SNRPA1: variants seen among roughly 807,000 people sequenced by gnomAD.
The protein encoded by SNRPA1 is small nuclear ribonucleoprotein polypeptide A', also known as U2 small nuclear ribonucleoprotein A'.
In SNRPA1, 5 loss-of-function variants were observed where a neutral mutation model predicts 32.3. The observed-to-expected ratio is 0.15, with a 90% CI of 0.08 to 0.33. The LOEUF (loss-of-function observed/expected upper bound fraction) is 0.33. Among genes scored for constraint, SNRPA1 ranks in the 10% least tolerant of loss-of-function variants. The pLI, the probability that SNRPA1 is intolerant of heterozygous loss-of-function variation, is 1.00. For missense variants in SNRPA1, 198 were observed against 311.1 expected (o/e 0.64, Z 2.74); for synonymous variants, 111 against 120.1 (o/e 0.92, Z 0.50).
intron 8 of SNRPA1, among the ~76,000 whole-genome samples, chr15:101,284,100 G>T (rs1166166250): frequency 6.6e-6 from 1 of 152,178 alleles, no homozygotes; most frequent in Non-Finnish European, 1.5e-5. Context: ...TATCCCTAGT[G>T]CCCCACATGC....
intron 1 of SNRPA1, among the ~76,000 whole-genome samples, chr15:101,294,444 G>A (rs1288793554): frequency 2.0e-5 from 3 of 152,164 alleles, no homozygotes; most frequent in Non-Finnish European, 4.4e-5. Flanking sequence ...TGCCCTCCCA[G>A]TATCTTACCA....
At chr15:101,289,251 C>A (rs574319545) in intron 3 of SNRPA1, among the ~76,000 whole-genome samples, 1 of 152,270 alleles carries the variant, frequency 6.6e-6, no homozygotes, top group African/African-American at 2.4e-5. Flanking sequence ...ATGTAACAAC[C>A]CGAAGGCTGC....
rs1038204049 is a variant in SNRPA1, at chr15:101,281,739, G to C, written c.753C>G (p.Val251=). ...DGEEEMEEDT[V]TNGS ...GCCTCACTGCTCAGGACCCGTTTGT[G>C]ACTGTGTCTTCTTCCATCTCTTCTT... Residue 251 remains valine, a synonymous_variant, in exon 9 of 9, where the codon GTC becomes GTG. Coordinates refer to ENST00000254193, the MANE Select transcript of SNRPA1 (RefSeq NM_003090.4). 9 of 1,613,598 alleles carry C rather than the reference G, an allele frequency of 5.6e-6. No individual in the cohort carries two copies. The African/African-American group carries it at 1.1e-4, about 19-fold the overall frequency.
In SNRPA1 at chr15:101,281,514, T is replaced by C. The variant is rs2039393689; in HGVS notation, c.*210A>G. 1.9e-6 allele frequency: 1 copy of C among 529,574 alleles called. No homozygotes were observed. Among genetic ancestry groups the C allele is most frequent in the Admixed American group, 3.4e-5 (1 of 29,462 alleles). The allele number at this position is 529,574 out of a possible 1,614,324, so 32.8% of individuals were successfully genotyped here. A position where few individuals can be genotyped will look rare whatever the true frequency, so the allele number is the denominator to read the frequency against. On this transcript the variant is annotated 3_prime_UTR_variant, in exon 9 of 9. Coordinates refer to ENST00000254193, the MANE Select transcript of SNRPA1 (RefSeq NM_003090.4). Reference sequence around the variant, plus strand: ...TGCACCATGATGACACACAACTTGGTAGCATAGTGAGTGGAGTTTATTTTT... The same window carrying C: ...TGCACCATGATGACACACAACTTGGCAGCATAGTGAGTGGAGTTTATTTTT...
At chr15:101,284,827 C>G (rs186389833) in intron 8 of SNRPA1, 140 bp downstream of exon 8, 8 of 695,924 alleles carry the variant, frequency 1.1e-5, no homozygotes, top group Non-Finnish European at 1.8e-5. Context: ...CTTCAAAGAG[C>G]ATTTAAAGAG....
intron 1 of SNRPA1, 31 bp downstream of exon 1, chr15:101,295,065 TG>T (rs1475548331): frequency 4.3e-5 from 60 of 1,388,544 alleles, no homozygotes; most frequent in Non-Finnish European, 5.2e-5. Flanking sequence ...CGGTGCCGCC[TG>T]GGGACTGGCC....
Position 101,292,020 on chromosome 15 carries a change from T to C in SNRPA1, c.251A>G (p.Asp84Gly). The C allele has an allele frequency of 6.2e-7, 1 of 1,611,864 alleles. No individual in the cohort carries two copies. Among genetic ancestry groups the C allele is most frequent in the Non-Finnish European group, 8.5e-7 (1 of 1,177,994 alleles). Residue 84 changes from aspartate to glycine, a missense_variant, in exon 3 of 9, where the codon GAT becomes GGT. Asp to Gly is a moderately conservative substitution (Grantham distance 94). Transcript: ENST00000254193. ...NRICRIGEGL[D>G]QALPCLTELI... ...TTCTGTCAGACAGGGCAGAGCCTGATCAAGTCCCTCACCTATACGGCTAAA... is the reference window on the plus strand; with the variant it reads ...TTCTGTCAGACAGGGCAGAGCCTGACCAAGTCCCTCACCTATACGGCTAAA...
chr15:101,286,190 T>C, intron 6 of SNRPA1, 24 bp downstream of exon 6: 1 of 1,595,512 alleles, frequency 6.3e-7, no homozygotes, highest in Admixed American at 1.7e-5. Flanking sequence ...TGAAGTAGAG[T>C]TAAGTTGGAT....
intron 8 of SNRPA1, among the ~76,000 whole-genome samples, chr15:101,282,236 AC>A (rs1206686956): frequency 6.6e-6 from 1 of 152,276 alleles, no homozygotes; most frequent in East Asian, 1.9e-4. Flanking sequence ...CATTTGTTCA[AC>A]AATTTATGGC....
chr15:101,287,762 A>T, intron 3 of SNRPA1, 60 bp from the exon 4 acceptor site: 2 of 1,483,644 alleles, frequency 1.3e-6, no homozygotes, highest in South Asian at 1.1e-5. Context: ...GAGATTCTGA[A>T]ATGGAGAGTG....
At chr15:101,294,974 C>T in intron 1 of SNRPA1, 123 bp downstream of exon 1, 1 of 563,876 alleles carries the variant, frequency 1.8e-6, no homozygotes, top group Non-Finnish European at 2.9e-6. Flanking sequence ...CTGCGCAGCC[C>T]GGTCGGAGCC....
chr15:101,283,029 G>A (rs189757859), intron 8 of SNRPA1, among the ~76,000 whole-genome samples: 1 of 151,454 alleles, frequency 6.6e-6, no homozygotes, highest in East Asian at 1.9e-4. Context: ...TCAAAGAGAC[G>A]TGTGCCCGAG....
intron 8 of SNRPA1, among the ~76,000 whole-genome samples, chr15:101,282,566 G>T (rs963569816): frequency 3.9e-5 from 6 of 152,220 alleles, no homozygotes; most frequent in African/African-American, 1.4e-4. Flanking sequence ...CAGTGTAAAA[G>T]TCTGAAACCT....
chr15:101,291,633 A>G (rs1274830711), intron 3 of SNRPA1, among the ~76,000 whole-genome samples: 1 of 152,200 alleles, frequency 6.6e-6, no homozygotes, highest in East Asian at 1.9e-4. Context: ...GAACACTGCA[A>G]TTGTAGAAAA....
At chr15:101,291,844 G>A (rs572535439) in intron 3 of SNRPA1, 118 bp downstream of exon 3, 19 of 633,536 alleles carry the variant, frequency 3.0e-5, no homozygotes, top group Admixed American at 8.1e-5. Flanking sequence ...CCTGAATTAA[G>A]AAAAAGACAA....
At position 101,285,736 on chromosome 15, in the gene SNRPA1, T is replaced by G; in HGVS notation, c.605A>C (p.Glu202Ala). 1 of 1,612,926 alleles carries G rather than the reference T, an allele frequency of 6.2e-7. No individual in the cohort carries two copies. The highest frequency in any genetic ancestry group is 8.5e-7 in the Non-Finnish European group (1 of 1,178,898). Residue 202 changes from glutamate to alanine, a missense_variant, in exon 7 of 9, where the codon GAA (glutamate) becomes GCA (alanine). Glu to Ala is a moderately radical substitution (Grantham distance 107). Transcript: ENST00000254193. Reference protein sequence around the residue: ...KKGGPSPGDVEAIKNAIANAS... With the variant: ...KKGGPSPGDVAAIKNAIANAS... ...CTAACACATGATTACCTTGATTGCTTCTACATCCCCTGGAGATGGCCCACC... is the reference window on the plus strand; with the variant it reads ...CTAACACATGATTACCTTGATTGCTGCTACATCCCCTGGAGATGGCCCACC...
At chr15:101,290,722 C>G (rs1184101397) in intron 3 of SNRPA1, among the ~76,000 whole-genome samples, 1 of 150,520 alleles carries the variant, frequency 6.6e-6, no homozygotes, top group Non-Finnish European at 1.5e-5. Context: ...ACCACAGATG[C>G]ACGCTACCAC....
chr15:101,284,318 C>T (rs761437451), intron 8 of SNRPA1, among the ~76,000 whole-genome samples: 5 of 152,164 alleles, frequency 3.3e-5, no homozygotes, highest in South Asian at 4.1e-4. Context: ...ATTTGGGCCT[C>T]GGACTGCTTG....
chr15:101,289,768 A>G (rs1235877795), intron 3 of SNRPA1: 2 of 43,192 alleles, frequency 4.6e-5, no homozygotes, highest in South Asian at 5.4e-4. Flanking sequence ...CGTCTCTACT[A>G]AAAAAAAAAA....
Sources: gnomAD v4.1 joint callset for allele counts (sites outside exome capture counted in the v4.1 genomes callset) on GRCh38, gnomAD v4.1.1 for gene constraint, MANE v1.5 for transcripts, NCBI Gene and HGNC (gene_info 2026-07-23, HGNC 2026-07-21) for gene names.